Variants in MCF2L2 observed in about 807,000 individuals in gnomAD.
MCF2L2 encodes the protein probable guanine nucleotide exchange factor MCF2L2.
In MCF2L2, 102 loss-of-function variants were observed where a neutral mutation model predicts 150.2. The observed-to-expected ratio is 0.68, with a 90% CI of 0.58 to 0.80. The LOEUF (loss-of-function observed/expected upper bound fraction) is 0.80, where lower values mean the gene tolerates loss of function less well. Ranked by LOEUF, MCF2L2 falls within the 30% of genes least tolerant of loss-of-function variation. MCF2L2 has a pLI of 0.00. For missense variants in MCF2L2, 1,256 were observed against 1,372.8 expected, an observed-to-expected ratio of 0.91 and a Z score of 1.34; for synonymous variants, 465 against 491.3, an observed-to-expected ratio of 0.95 and a Z score of 0.71.
chr3:183,414,803 C>T (rs111987125), intron 1 of MCF2L2, among the ~76,000 whole-genome samples: 18,715 of 152,170 alleles, frequency 0.12, 1,242 homozygotes, highest in East Asian at 0.2. Flanking sequence ...TTCTTGTTGA[C>T]TCATTTGCTC....
At position 183,270,678 on chromosome 3, in the gene MCF2L2, G is replaced by A; in HGVS notation, c.1862+6194C>T. 6.2e-7 allele frequency: 1 copy of A among 1,614,102 alleles called. No homozygotes were observed. The highest frequency in any genetic ancestry group is 8.5e-7 in the Non-Finnish European group (1 of 1,180,016). ...CATGGGCCTCTGTGCCAATAAAATA[G>A]GGATAGTACCGCAGGACCATGTGTT... On this transcript the variant is annotated intron_variant, in intron 15 of 29. Transcript: ENST00000328913. The surrounding 1 kb of genome is among the most constrained non-coding windows in gnomAD (Gnocchi z 4.5).
chr3:183,298,765 G>GCGCGCGCGCGCGCGCA, intron 11 of MCF2L2: 5 of 138,576 alleles, frequency 3.6e-5, no homozygotes, highest in African/African-American at 1.4e-4. Context: ...AAACACACAT[G>GCGCGCGCGCGCGCGCA]CACACACACA....
chr3:183,311,528 C>T (rs1729377577), intron 8 of MCF2L2, 120 bp downstream of exon 8: 3 of 1,102,102 alleles, frequency 2.7e-6, no homozygotes, highest in Non-Finnish European at 3.9e-6. Flanking sequence ...CTCAAATATT[C>T]TTCTTCCTTG....
intron 15 of MCF2L2, chr3:183,253,563 G>C (rs996713214): frequency 6.6e-6 from 1 of 152,298 alleles, no homozygotes. Flanking sequence ...CTAGTTTGCT[G>C]TAAGTTTCCT....
At chr3:183,243,968 C>CA in intron 15 of MCF2L2, among the ~76,000 whole-genome samples, 1 of 151,822 alleles carries the variant, frequency 6.6e-6, no homozygotes, top group Non-Finnish European at 1.5e-5. Context: ...GCTAAAAATA[C>CA]AAAAAATTAG....
At chr3:183,363,587 AT>A (rs1267043258) in intron 3 of MCF2L2, among the ~76,000 whole-genome samples, 4 of 152,198 alleles carry the variant, frequency 2.6e-5, no homozygotes, top group Non-Finnish European at 2.9e-5. Flanking sequence ...CTACAAAAAA[AT>A]AATTAGCCAG....
intron 3 of MCF2L2, 51 bp downstream of exon 3, chr3:183,379,246 G>T: frequency 7.5e-7 from 1 of 1,339,254 alleles, no homozygotes; most frequent in Non-Finnish European, 1.0e-6. Context: ...CACATGGGAA[G>T]TGTGGAATAA....
chr3:183,268,509 T>TGG lies in MCF2L2; in HGVS notation c.1862+8361_1862+8362dup, dbSNP rs58535820. Among the ~76,000 whole-genome samples, 15 of 148,504 alleles carry TGG rather than the reference T, an allele frequency of 1.0e-4. 1 individual carries two copies. Among genetic ancestry groups the TGG allele is most frequent in the African/African-American group, 3.8e-4 (15 of 39,850 alleles). ...ATTTAAATAATGGAAGTGGAGAAAA[T>TGG]GGGGGGGGCGGTTCCAGATTTCAGG... On this transcript the variant is annotated intron_variant, in intron 15 of 29. Transcript: ENST00000328913.
intron 6 of MCF2L2, 60 bp from the exon 7 acceptor site, chr3:183,318,277 T>G: frequency 1.3e-6 from 2 of 1,571,444 alleles, no homozygotes. Context: ...CATGCTGTCT[T>G]GATGGAAAGA....
chr3:183,401,630 G>A (rs1021461618), intron 1 of MCF2L2, among the ~76,000 whole-genome samples: 43 of 152,164 alleles, frequency 2.8e-4, no homozygotes, highest in African/African-American at 1.0e-3. Flanking sequence ...CCACCACTGT[G>A]ACTTTTTTCG....
intron 1 of MCF2L2, among the ~76,000 whole-genome samples, chr3:183,399,704 T>C (rs1473625551): frequency 6.6e-6 from 1 of 152,226 alleles, no homozygotes; most frequent in African/African-American, 2.4e-5. Flanking sequence ...AATATGAATT[T>C]CATAATCTGG....
chr3:183,330,123 T>C (rs1005748653), intron 5 of MCF2L2, among the ~76,000 whole-genome samples: 4 of 150,162 alleles, frequency 2.7e-5, no homozygotes, highest in South Asian at 2.1e-4. Context: ...TGCGCACCTG[T>C]AGTCCCAGCT....
intron 15 of MCF2L2, among the ~76,000 whole-genome samples, chr3:183,235,564 ATTTG>A (rs1278784983): frequency 1.5e-5 from 1 of 66,222 alleles, no homozygotes; most frequent in East Asian, 3.9e-4. Flanking sequence ...TTTCTTGTAA[ATTTG>A]TTTGAGTTCA....
chr3:183,318,186 GTCT>G lies in MCF2L2; in HGVS notation c.632_634del (p.Lys211del). 2 of 1,614,222 alleles carry G rather than the reference GTCT, an allele frequency of 1.2e-6. No individual in the cohort carries two copies. The highest frequency in any genetic ancestry group is 1.7e-6 in the Non-Finnish European group (2 of 1,180,036). ...AAACGTCTGCAGCATCTGGGCAGTG[GTCT>G]TCAAGGTCAAGGCAAAGTTTTCGAT... On this transcript the variant is annotated inframe_deletion, in exon 7 of 30. Transcript: ENST00000328913.
At chr3:183,257,912 G>A (rs903091832) in intron 15 of MCF2L2, among the ~76,000 whole-genome samples, 3 of 140,458 alleles carry the variant, frequency 2.1e-5, no homozygotes, top group Non-Finnish European at 4.5e-5. Context: ...AAATTCCTGC[G>A]TAGTCTCTCT....
At chr3:183,425,652 G>T (rs1716124008) in intron 1 of MCF2L2, among the ~76,000 whole-genome samples, 1 of 152,124 alleles carries the variant, frequency 6.6e-6, no homozygotes, top group African/African-American at 2.4e-5. Context: ...TTCCTGCCCT[G>T]AGCCTGCCAC....
At position 183,179,665 on chromosome 3, in the gene MCF2L2, T is replaced by C. The variant is rs1347709923; in HGVS notation, c.3133A>G (p.Ser1045Gly). The C allele has an allele frequency of 2.5e-6, 4 of 1,614,022 alleles. No homozygotes were observed. Among genetic ancestry groups the C allele is most frequent in the Non-Finnish European group, 3.4e-6 (4 of 1,179,988 alleles). ...SLAGLFQSDD[S>G]HETCSSKSAF... ...GATTTGGAGGAACAGGTTTCGTGACTGTCGTCCGACTGGAAAAGGCCCGCG... is the reference window on the plus strand; with the variant it reads ...GATTTGGAGGAACAGGTTTCGTGACCGTCGTCCGACTGGAAAAGGCCCGCG... Residue 1045 changes from serine to glycine, a missense_variant, in exon 29 of 30, where the codon AGT becomes GGT. Physicochemically the swap from Ser to Gly is moderately conservative, Grantham distance 56 (BLOSUM62 0). Coordinates refer to ENST00000328913, the MANE Select transcript of MCF2L2 (RefSeq NM_015078.4). The surrounding 1 kb of genome is among the most constrained non-coding windows in gnomAD (Gnocchi z 4.2).
intron 3 of MCF2L2, among the ~76,000 whole-genome samples, chr3:183,358,794 T>C (rs888729076): frequency 1.3e-5 from 2 of 152,120 alleles, no homozygotes; most frequent in African/African-American, 2.4e-5. Context: ...TTAATATTTT[T>C]TTTTTATCTT....
At position 183,401,176 on chromosome 3, in the gene MCF2L2, G is replaced by A. The variant is rs142002651; in HGVS notation, c.77-11397C>T. ...AAGTGAGTTCACCTTTCAAACTGCC[G>A]TGCAGAGAGGATGATATACTCAGAG... On this transcript the variant is annotated intron_variant, in intron 1 of 29. Transcript: ENST00000328913. 2.5e-4 allele frequency among the ~76,000 whole-genome samples: 38 copies of A among 152,272 alleles called. No homozygotes were observed. In the East Asian group the frequency reaches 6.4e-3, roughly 25 times the overall value.
Sources: allele counts gnomAD v4.1 joint callset (sites outside exome capture counted in the v4.1 genomes callset), GRCh38; gene constraint gnomAD v4.1.1; non-coding constraint Gnocchi (gnomAD v3.1); transcripts MANE v1.5; gene names NCBI Gene and HGNC (gene_info 2026-07-23, HGNC 2026-07-21).